The following CR1 variants were observed in gnomAD, a reference collection of about 807,000 sequenced individuals.
CR1 encodes the protein complement C3b/C4b receptor 1 (Knops blood group).
CR1 carries 116 observed loss-of-function variants against 187.3 expected under a neutral mutation model. The observed-to-expected ratio is 0.62, with a 90% CI of 0.53 to 0.72. The LOEUF is 0.72. Among genes scored for constraint, CR1 ranks in the 30% least tolerant of loss-of-function variants. The pLI is 0.00. For missense variants in CR1, 1,731 were observed against 2,110.7 expected (o/e 0.82, Z 3.52); for synonymous variants, 576 against 747.1 (o/e 0.77, Z 3.73).
In CR1 at chr1:207,620,056, T is replaced by G. The variant is rs1662270038; in HGVS notation, c.7243T>G (p.Cys2415Gly). Reference protein sequence around the residue: ...DDRWDPPLAKCTSRTHDALIV... With the variant: ...DDRWDPPLAKGTSRTHDALIV... ...CAGATGGGACCCTCCTCTGGCCAAA[T>G]GTACCTCTCGTAAGTGCAAGTGCAA... Residue 2415 changes from cysteine to glycine, a missense_variant, in exon 43 of 47, where the codon TGT becomes GGT. Transcript: ENST00000367049. 6.2e-7 allele frequency: 1 copy of G among 1,609,840 alleles called. No individual in the cohort carries two copies. The highest frequency in any genetic ancestry group is 8.5e-7 in the Non-Finnish European group (1 of 1,178,934).
At chr1:207,520,495 A>T (rs1184224017) in intron 4 of CR1, among the ~76,000 whole-genome samples, 1 of 152,202 alleles carries the variant, frequency 6.6e-6, no homozygotes, top group African/African-American at 2.4e-5. Context: ...CAATAAAGGC[A>T]TTGGCTGATG....
rs1269320808 is a variant in CR1, at chr1:207,614,505, T to C, written c.6661+16T>C. On this transcript the variant is annotated intron_variant, in intron 40 of 46. Coordinates refer to ENST00000367049, the MANE Select transcript of CR1 (RefSeq NM_000651.6). The stretch of plus-strand genomic sequence containing the variant: ...GTGTGTGAACGTGAGTAGAAAGAAC[T>C]ATGTAGTTTGGATAGCTCTCCTTAT... 1 of 1,604,242 alleles carries C rather than the reference T, an allele frequency of 6.2e-7. No homozygotes were observed. The highest frequency in any genetic ancestry group is 1.1e-5 in the South Asian group (1 of 90,888).
chr1:207,625,069 A>G (rs1426773086), intron 45 of CR1, among the ~76,000 whole-genome samples: 1 of 152,178 alleles, frequency 6.6e-6, no homozygotes, highest in Non-Finnish European at 1.5e-5. Flanking sequence ...CTAACTATTG[A>G]TTTGTTTCAC....
intron 4 of CR1, among the ~76,000 whole-genome samples, chr1:207,521,391 G>A (rs1428087953): frequency 6.6e-6 from 1 of 151,922 alleles, no homozygotes; most frequent in African/African-American, 2.4e-5. Flanking sequence ...TTCTCATCGA[G>A]GGACTTCAGT....
At chr1:207,598,489 G>A (rs1390190342) in intron 35 of CR1, among the ~76,000 whole-genome samples, 5 of 151,172 alleles carry the variant, frequency 3.3e-5, no homozygotes, top group Non-Finnish European at 7.4e-5. Context: ...GCACTATCTC[G>A]GTTCACTGCA....
At chr1:207,594,394 G>A (rs575872021) in intron 35 of CR1, among the ~76,000 whole-genome samples, 2 of 152,156 alleles carry the variant, frequency 1.3e-5, no homozygotes, top group African/African-American at 2.4e-5. Flanking sequence ...CTAAGTGGGA[G>A]TTGAACAATG....
At chr1:207,632,109 T>A (rs900434041) in intron 46 of CR1, among the ~76,000 whole-genome samples, 9 of 152,244 alleles carry the variant, frequency 5.9e-5, no homozygotes, top group Non-Finnish European at 1.2e-4. Flanking sequence ...TCTCCTATAA[T>A]AGAAATGAAT....
chr1:207,609,307 C>T lies in CR1; in HGVS notation c.5914C>T (p.Pro1972Ser). The change falls in exon 37 of 47, where the codon CCT becomes TCT. Residue 1972 changes from proline to serine, a missense_variant. By Grantham distance (74) the Pro-to-Ser change is moderately conservative. Around this residue, in one of 5 missense-constraint regions of CR1, gnomAD observed 1,312 missense variants for 1,379.6 expected, o/e 0.95. Coordinates refer to ENST00000367049, the MANE Select transcript of CR1 (RefSeq NM_000651.6). Reference protein sequence around the residue: ...PICEIISCEPPPTISNGDFYS... With the variant: ...PICEIISCEPSPTISNGDFYS... ...TCTCTCAGTCATATCTTGTGAGCCACCTCCAACCATATCCAATGGAGACTT... is the reference window on the plus strand; with the variant it reads ...TCTCTCAGTCATATCTTGTGAGCCATCTCCAACCATATCCAATGGAGACTT... 1.2e-6 allele frequency: 2 copies of T among 1,612,852 alleles called. No homozygotes were observed. The highest frequency in any genetic ancestry group is 1.7e-6 in the Non-Finnish European group (2 of 1,179,044).
chr1:207,575,202 TACACACACAC>T (rs56173301), intron 27 of CR1, among the ~76,000 whole-genome samples: 6 of 149,328 alleles, frequency 4.0e-5, no homozygotes, highest in Admixed American at 1.3e-4. Flanking sequence ...CATAGTATTA[TACACACACAC>T]ACACACACAC....
chr1:207,508,811 C>T lies in CR1; in HGVS notation c.401+1998C>T, dbSNP rs12092138. 2.4e-3 allele frequency among the ~76,000 whole-genome samples: 360 copies of T among 151,962 alleles called. 2 individuals carry two copies. The highest frequency in any genetic ancestry group is 7.9e-3 in the African/African-American group (327 of 41,456). On this transcript the variant is annotated intron_variant, in intron 3 of 46. Coordinates refer to ENST00000367049, the MANE Select transcript of CR1 (RefSeq NM_000651.6). ...CCTTTTCAGGGAGCAATAAAGTAATCTTCCTTGGAATGTAGCAATCTGTAA... is the reference window on the plus strand; with the variant it reads ...CCTTTTCAGGGAGCAATAAAGTAATTTTCCTTGGAATGTAGCAATCTGTAA...
chr1:207,496,647 C>G (rs974243627), intron 1 of CR1, among the ~76,000 whole-genome samples: 2 of 152,222 alleles, frequency 1.3e-5, no homozygotes, highest in African/African-American at 4.8e-5. Flanking sequence ...GTGGAAGGCG[C>G]AGATGCTGAG....
At chr1:207,594,508 T>C (rs1391969913) in intron 35 of CR1, among the ~76,000 whole-genome samples, 1 of 152,032 alleles carries the variant, frequency 6.6e-6, no homozygotes, top group East Asian at 1.9e-4. Flanking sequence ...ATGTAGATGA[T>C]GGGTTGATGG....
In CR1 at chr1:207,506,833, A is replaced by G. The variant is rs1659453624; in HGVS notation, c.401+20A>G. 6.3e-7 allele frequency: 1 copy of G among 1,585,670 alleles called. No individual in the cohort carries two copies. Among genetic ancestry groups the G allele is most frequent in the African/African-American group, 1.3e-5 (1 of 74,224 alleles). On this transcript the variant is annotated intron_variant, in intron 3 of 46. Transcript: ENST00000367049. Reference sequence around the variant, plus strand: ...TAAAGGGTGAGTTGGCATCTCTTGAACCAACATCTCTTGGTTCAAGAGTTC... The same window carrying G: ...TAAAGGGTGAGTTGGCATCTCTTGAGCCAACATCTCTTGGTTCAAGAGTTC...
chr1:207,593,351 A>G (rs1333538356), intron 35 of CR1, among the ~76,000 whole-genome samples: 1 of 152,208 alleles, frequency 6.6e-6, no homozygotes, highest in Non-Finnish European at 1.5e-5. Context: ...AAAACAAGCA[A>G]TGGGGAAAGG....
chr1:207,518,364 T>C (rs1156541115), intron 4 of CR1, among the ~76,000 whole-genome samples: 1 of 152,246 alleles, frequency 6.6e-6, no homozygotes, highest in East Asian at 1.9e-4. Flanking sequence ...GTTATTTTGC[T>C]TCATTTTCTA....
At chr1:207,617,630 G>A (rs1392746799) in intron 41 of CR1, among the ~76,000 whole-genome samples, 1 of 50,798 alleles carries the variant, frequency 2.0e-5, no homozygotes, top group East Asian at 3.3e-4. Flanking sequence ...GAGAGAGAGA[G>A]AGAGAGAGAG....
At chr1:207,522,497 T>A (rs1660029003) in intron 4 of CR1, among the ~76,000 whole-genome samples, 2 of 152,212 alleles carry the variant, frequency 1.3e-5, no homozygotes, top group African/African-American at 4.8e-5. Context: ...TGCCCCGTCC[T>A]GATTCAGCTG....
chr1:207,617,934 G>A, intron 41 of CR1, 137 bp from the exon 42 acceptor site: 1 of 812,342 alleles, frequency 1.2e-6, no homozygotes, highest in East Asian at 2.7e-5. Flanking sequence ...TCAAATAGGA[G>A]GGAGTGGCTT....
At chr1:207,496,596 T>C (rs1345798135) in intron 1 of CR1, among the ~76,000 whole-genome samples, 4 of 152,164 alleles carry the variant, frequency 2.6e-5, no homozygotes, top group Non-Finnish European at 4.4e-5. Flanking sequence ...TGGGTAAGCG[T>C]GGAGTTCCCA....
Sources: gnomAD v4.1 joint callset for allele counts (sites outside exome capture counted in the v4.1 genomes callset) on GRCh38, gnomAD v4.1.1 for gene constraint, gnomAD v4.1.1 regional missense constraint, MANE v1.5 for transcripts, NCBI Gene and HGNC (gene_info 2026-07-23, HGNC 2026-07-21) for gene names.